Variants in MAP3K1 observed in about 807,000 individuals in gnomAD.
MAP3K1 encodes MAP/ERK kinase kinase 1.
Under a neutral mutation model 144.2 loss-of-function variants are expected in MAP3K1, and 36 were observed. The observed-to-expected ratio is 0.25, with a 90% CI of 0.19 to 0.33. The LOEUF (loss-of-function observed/expected upper bound fraction) is 0.33, where lower values mean the gene tolerates loss of function less well. MAP3K1 is among the 10% of genes least tolerant of loss of function. The probability of loss-of-function intolerance (pLI) is 1.00; values close to 1 mark genes in which losing one functional copy is unlikely to be tolerated. For synonymous variants in MAP3K1, 718 were observed against 688.7 expected, an observed-to-expected ratio of 1.04 and a Z score of -0.67; for missense variants, 1,650 against 1,881.9, an observed-to-expected ratio of 0.88 and a Z score of 2.28.
intron 1 of MAP3K1, among the ~76,000 whole-genome samples, chr5:56,856,376 AT>A (rs1202992153): frequency 6.6e-6 from 1 of 152,182 alleles, no homozygotes; most frequent in Non-Finnish European, 1.5e-5. Context: ...ATGTCTTGGG[AT>A]TCATTTTGTT....
intron 1 of MAP3K1, among the ~76,000 whole-genome samples, chr5:56,826,689 C>T (rs774287016): frequency 7.2e-5 from 11 of 152,262 alleles, no homozygotes; most frequent in Non-Finnish European, 1.0e-4. Context: ...TGAGCAAGCA[C>T]GTTAGATGTG....
chr5:56,879,151 C>G (rs775465794), intron 11 of MAP3K1, 50 bp downstream of exon 11: 1 of 1,610,848 alleles, frequency 6.2e-7, no homozygotes, highest in African/African-American at 1.3e-5. Context: ...TTAAAAGTGC[C>G]TCGCAGCAAG....
At position 56,893,880 on chromosome 5, in the gene MAP3K1, G is replaced by A. The variant is rs1748624873; in HGVS notation, c.*200G>A. ...TCAGTATGCAAAAGCCCAAACTAGT[G>A]CAGAAACTGTAAACTGTGCCTTTCA... On this transcript the variant is annotated 3_prime_UTR_variant, in exon 20 of 20. Transcript: ENST00000399503. 1 of 610,444 alleles carries A rather than the reference G, an allele frequency of 1.6e-6. No individual in the cohort carries two copies. Among genetic ancestry groups the A allele is most frequent in the Non-Finnish European group, 2.9e-6 (1 of 342,736 alleles). The allele number at this position is 610,444 out of a possible 1,614,324, so 37.8% of individuals were successfully genotyped here.
rs1441667748 is a variant in MAP3K1 at position 56,815,911 on chromosome 5, C to G, written c.338C>G (p.Pro113Arg). 26 of 1,290,310 alleles carry G rather than the reference C, an allele frequency of 2.0e-5. No homozygotes were observed. Among genetic ancestry groups the G allele is most frequent in the Non-Finnish European group, 2.4e-5 (25 of 1,021,204 alleles). 79.9% of individuals were successfully genotyped at this position (1,290,310 alleles called of 1,614,324 possible). The change falls in exon 1 of 20, where the codon CCC becomes CGC. Residue 113 changes from proline (P) to arginine (R), a missense_variant. Transcript: ENST00000399503. Reference protein sequence around the residue: ...TGFQPVAVPPPHGAASRGGAH... With the variant: ...TGFQPVAVPPRHGAASRGGAH... ...TTCCAGCCTGTGGCGGTGCCGCCGC[C>G]CCACGGAGCCGCGAGCCGCGGCGGC...
At chr5:56,892,093 G>A (rs1748566401) in intron 19 of MAP3K1, among the ~76,000 whole-genome samples, 1 of 152,152 alleles carries the variant, frequency 6.6e-6, no homozygotes, top group South Asian at 2.1e-4. Context: ...GCTTGATGGG[G>A]ACGGCATTGA....
At chr5:56,839,293 G>A (rs1392188591) in intron 1 of MAP3K1, among the ~76,000 whole-genome samples, 1 of 152,166 alleles carries the variant, frequency 6.6e-6, no homozygotes, top group Non-Finnish European at 1.5e-5. Context: ...TGATGTTGTG[G>A]CTTAATTGAC....
intron 6 of MAP3K1, among the ~76,000 whole-genome samples, chr5:56,866,421 G>A (rs568720852): frequency 6.7e-6 from 1 of 149,530 alleles, no homozygotes; most frequent in African/African-American, 2.6e-5. Context: ...GTGGGTGTGT[G>A]TATGTATGTA....
At chr5:56,816,294 G>A (rs1166876119) in intron 1 of MAP3K1, among the ~76,000 whole-genome samples, 1 of 152,068 alleles carries the variant, frequency 6.6e-6, no homozygotes, top group Non-Finnish European at 1.5e-5. Flanking sequence ...GCAGACATGT[G>A]ACAGGCGTGC....
intron 1 of MAP3K1, among the ~76,000 whole-genome samples, chr5:56,849,810 A>T (rs2111841536): frequency 6.6e-6 from 1 of 152,352 alleles, no homozygotes; most frequent in African/African-American, 2.4e-5. Flanking sequence ...TCAACAGATT[A>T]AAAGTACTTG....
chr5:56,819,728 C>T (rs1746097280), intron 1 of MAP3K1, among the ~76,000 whole-genome samples: 1 of 152,174 alleles, frequency 6.6e-6, no homozygotes, highest in Non-Finnish European at 1.5e-5. Flanking sequence ...TTAGGAACTG[C>T]GTGTATATTA....
intron 1 of MAP3K1, chr5:56,852,137 T>G (rs1747193719): frequency 6.6e-6 from 1 of 151,884 alleles, no homozygotes; most frequent in Non-Finnish European, 1.5e-5. Context: ...ATGGTATATT[T>G]ATGAAGTTTT....
chr5:56,893,556 C>T lies in MAP3K1; in HGVS notation c.4415C>T (p.Ser1472Leu), dbSNP rs776167103. The T allele has an allele frequency of 2.5e-6, 4 of 1,613,936 alleles. No individual in the cohort carries two copies. The highest frequency in any genetic ancestry group is 1.7e-4 in the Middle Eastern group (1 of 6,060). ...FKIASATTAP[S>L]IPSHLSPGLR... The stretch of plus-strand genomic sequence containing the variant: ...ATTGCTAGTGCAACTACTGCTCCAT[C>T]GATCCCTTCACATTTGTCTCCTGGT... The change falls in exon 20 of 20, where the codon TCG becomes TTG. Residue 1472 changes from serine to leucine, a missense_variant. Transcript: ENST00000399503.
chr5:56,893,449 G>A (rs1248073930), intron 19 of MAP3K1, 82 bp from the exon 20 acceptor site: 1 of 1,370,024 alleles, frequency 7.3e-7, no homozygotes, highest in Non-Finnish European at 1.0e-6. Context: ...GTAAATGTAA[G>A]GGTTATGAGG....
chr5:56,833,610 A>C (rs1290243372), intron 1 of MAP3K1, among the ~76,000 whole-genome samples: 1 of 152,194 alleles, frequency 6.6e-6, no homozygotes, highest in Non-Finnish European at 1.5e-5. Flanking sequence ...GTGTCTTTAC[A>C]ACAAGACACA....
chr5:56,891,499 T>A (rs937743579), intron 19 of MAP3K1, among the ~76,000 whole-genome samples: 6 of 152,200 alleles, frequency 3.9e-5, no homozygotes, highest in Non-Finnish European at 8.8e-5. Context: ...GCCTGTTCAC[T>A]CTGATGGTAG....
intron 14 of MAP3K1, among the ~76,000 whole-genome samples, chr5:56,883,198 G>A (rs1748280506): frequency 6.6e-6 from 1 of 152,138 alleles, no homozygotes; most frequent in South Asian, 2.1e-4. Flanking sequence ...CTCACAGAGA[G>A]CTTCCTTGGA....
chr5:56,822,661 A>G (rs1003798501), intron 1 of MAP3K1, among the ~76,000 whole-genome samples: 1 of 152,092 alleles, frequency 6.6e-6, no homozygotes, highest in Non-Finnish European at 1.5e-5. Flanking sequence ...CCCCAGTCTT[A>G]TTAATGCCCT....
chr5:56,820,082 G>T (rs752928495), intron 1 of MAP3K1, among the ~76,000 whole-genome samples: 2 of 152,110 alleles, frequency 1.3e-5, no homozygotes, highest in Non-Finnish European at 2.9e-5. Flanking sequence ...TGAGCATATA[G>T]ATATGCCTAG....
chr5:56,825,201 C>T (rs747209452), intron 1 of MAP3K1, among the ~76,000 whole-genome samples: 26 of 152,044 alleles, frequency 1.7e-4, no homozygotes, highest in Non-Finnish European at 3.4e-4. Context: ...TTAGTAGAGA[C>T]AGGGTTTCAC....
Sources: allele counts gnomAD v4.1 joint callset (sites outside exome capture counted in the v4.1 genomes callset), GRCh38; gene constraint gnomAD v4.1.1; transcripts MANE v1.5; gene names NCBI Gene and HGNC (gene_info 2026-07-23, HGNC 2026-07-21).